The following CCNY variants were observed in gnomAD, a reference collection of about 807,000 sequenced individuals.
CCNY encodes the protein cyclin Y.
CCNY carries 19 observed loss-of-function variants against 42.8 expected under a neutral mutation model. The observed-to-expected ratio is 0.44, with a 90% confidence interval of 0.31 to 0.65. CCNY has a LOEUF of 0.65. Among genes scored for constraint, CCNY ranks in the 30% least tolerant of loss-of-function variants. The pLI, the probability that CCNY is intolerant of heterozygous loss-of-function variation, is 0.07. For missense variants in CCNY, 370 were observed against 437.3 expected (o/e 0.85, Z 1.37); for synonymous variants, 165 against 162.7 (o/e 1.01, Z -0.11).
At chr10:35,419,787 G>T (rs1166516878) in intron 1 of CCNY, among the ~76,000 whole-genome samples, 1 of 151,818 alleles carries the variant, frequency 6.6e-6, no homozygotes, top group African/African-American at 2.4e-5. Flanking sequence ...TGTGTGTGTG[G>T]TATATAATAC....
chr10:35,466,865 T>C (rs967393918), intron 1 of CCNY, among the ~76,000 whole-genome samples: 3 of 152,176 alleles, frequency 2.0e-5, no homozygotes, highest in Admixed American at 1.3e-4. Flanking sequence ...CTTGAACTCA[T>C]GGGGTCAAGC....
At chr10:35,473,458 G>C (rs1022594820) in intron 1 of CCNY, among the ~76,000 whole-genome samples, 1 of 152,154 alleles carries the variant, frequency 6.6e-6, no homozygotes, top group African/African-American at 2.4e-5. Flanking sequence ...GTGGGAGCAG[G>C]TGGGAAGAGT....
At chr10:35,436,928 A>G (rs1299642779) in intron 1 of CCNY, among the ~76,000 whole-genome samples, 1 of 152,236 alleles carries the variant, frequency 6.6e-6, no homozygotes, top group African/African-American at 2.4e-5. Context: ...TATAAAGAAA[A>G]AGAGGTTTAA....
chr10:35,534,105 T>C (rs1480480667), intron 7 of CCNY, among the ~76,000 whole-genome samples: 5 of 152,108 alleles, frequency 3.3e-5, no homozygotes, highest in African/African-American at 7.2e-5. Context: ...CACTGCACCC[T>C]GCACCTCCCA....
chr10:35,375,345 A>C (rs2135182400), intron 1 of CCNY, among the ~76,000 whole-genome samples: 1 of 152,274 alleles, frequency 6.6e-6, no homozygotes, highest in African/African-American at 2.4e-5. Flanking sequence ...CTTTAAAGCC[A>C]GCAGTGGTAG....
chr10:35,402,237 G>A (rs1837660965), intron 1 of CCNY, among the ~76,000 whole-genome samples: 1 of 152,128 alleles, frequency 6.6e-6, no homozygotes. Flanking sequence ...AGGAACATTT[G>A]TTGTATAGAA....
intron 1 of CCNY, among the ~76,000 whole-genome samples, chr10:35,382,990 C>T (rs1837222631): frequency 1.3e-5 from 2 of 152,186 alleles, no homozygotes; most frequent in African/African-American, 4.8e-5. Context: ...CCCTGAACAC[C>T]TTGGGTCTGA....
intron 9 of CCNY, among the ~76,000 whole-genome samples, chr10:35,567,062 A>G (rs566562653): frequency 6.5e-4 from 99 of 152,232 alleles, no homozygotes; most frequent in Admixed American, 4.4e-3. Context: ...CAGGTTTAAG[A>G]AAATTATGTC....
chr10:35,337,201 A>T lies in CCNY; in HGVS notation c.148A>T (p.Ile50Leu). ...GCAGCACATCAGCGACCGGGAGAAC[A>T]TAGACGGTGAGTGCGGCCCGCCGAG... ...NLQHISDREN[I>L]DDLNMEFNPS... The change falls in exon 1 of 10, where the codon ATA (isoleucine) becomes TTA (leucine). Residue 50 changes from isoleucine (I) to leucine (L), a missense_variant. Ile to Leu is a conservative substitution (Grantham distance 5). This residue lies in a region of CCNY where 136 missense variants were observed against 124.2 expected (regional missense o/e 1.09). Coordinates refer to ENST00000374704, the MANE Select transcript of CCNY (RefSeq NM_145012.6). The T allele has an allele frequency of 6.5e-7, 1 of 1,549,052 alleles. No homozygotes were observed. Among genetic ancestry groups the T allele is most frequent in the East Asian group, 2.5e-5 (1 of 39,260 alleles).
chr10:35,428,062 G>A (rs1268271611), intron 1 of CCNY, among the ~76,000 whole-genome samples: 1 of 152,210 alleles, frequency 6.6e-6, no homozygotes, highest in Non-Finnish European at 1.5e-5. Flanking sequence ...TATGTACATT[G>A]TCAGATTTAT....
intron 3 of CCNY, among the ~76,000 whole-genome samples, chr10:35,513,995 G>A (rs1302138884): frequency 2.0e-5 from 3 of 147,076 alleles, no homozygotes; most frequent in Admixed American, 7.1e-5. Context: ...TCCAGAGGCC[G>A]AGCATCAGTC....
At chr10:35,456,087 T>A (rs1016736816) in intron 1 of CCNY, among the ~76,000 whole-genome samples, 4 of 152,200 alleles carry the variant, frequency 2.6e-5, no homozygotes, top group Non-Finnish European at 4.4e-5. Flanking sequence ...TCCCCATGTC[T>A]TAATGGCTCA....
intron 3 of CCNY, among the ~76,000 whole-genome samples, chr10:35,258,769 C>G (rs568058389): frequency 6.6e-6 from 1 of 152,124 alleles, no homozygotes; most frequent in African/African-American, 2.4e-5. Flanking sequence ...AACCCTGTCT[C>G]TACTAAAAAT....
chr10:35,462,600 C>T (rs557832983), intron 1 of CCNY, among the ~76,000 whole-genome samples: 1 of 152,342 alleles, frequency 6.6e-6, no homozygotes, highest in African/African-American at 2.4e-5. Flanking sequence ...TCTGCCAGGA[C>T]CTGTCTTATT....
chr10:35,368,389 AGCTGAACTGGTAG>A (rs2135168970), intron 1 of CCNY, among the ~76,000 whole-genome samples: 1 of 152,364 alleles, frequency 6.6e-6, no homozygotes, highest in South Asian at 2.1e-4. Context: ...AAGCATTTTC[AGCTGAACTGGTAG>A]GCTTTTATTA....
intron 4 of CCNY, 51 bp downstream of exon 4, chr10:35,516,674 T>TCC (rs767941367): frequency 1.8e-5 from 19 of 1,068,826 alleles, no homozygotes; most frequent in Middle Eastern, 5.7e-4. Context: ...TTTTTTTTTT[T>TCC]TTTTTTTTTT....
At chr10:35,399,706 A>G (rs1837602824) in intron 1 of CCNY, among the ~76,000 whole-genome samples, 1 of 152,220 alleles carries the variant, frequency 6.6e-6, no homozygotes. Context: ...ATAAGGGGTT[A>G]TCTCTCTTCT....
chr10:35,398,987 C>T (rs894662485), intron 1 of CCNY, among the ~76,000 whole-genome samples: 1 of 152,200 alleles, frequency 6.6e-6, no homozygotes, highest in African/African-American at 2.4e-5. Context: ...GGCCTTTCAG[C>T]TTGGTATGTC....
chr10:35,311,250 C>T (rs1417717608), intron 3 of CCNY, among the ~76,000 whole-genome samples: 1 of 151,928 alleles, frequency 6.6e-6, no homozygotes, highest in South Asian at 2.1e-4. Flanking sequence ...CCCAGGAGTT[C>T]GAGGCTGCAG....
Sources: gnomAD v4.1 joint callset for allele counts (sites outside exome capture counted in the v4.1 genomes callset) on GRCh38, gnomAD v4.1.1 for gene constraint, gnomAD v4.1.1 regional missense constraint, MANE v1.5 for transcripts, NCBI Gene and HGNC (gene_info 2026-07-23, HGNC 2026-07-21) for gene names.